Variants in CASP10 observed in about 807,000 individuals in gnomAD.
The protein encoded by CASP10 is caspase-10.
CASP10 carries 41 observed loss-of-function variants against 48.5 expected under a neutral mutation model. That is an observed-to-expected ratio of 0.85 (90% CI 0.66 to 1.10). The LOEUF is 1.10. Ranked by LOEUF, CASP10 falls within the 50% of genes least tolerant of loss-of-function variation. The pLI is 0.00. For missense variants in CASP10, 614 were observed against 614.5 expected (o/e 1.00, Z 0.01); for synonymous variants, 232 against 238.4 (o/e 0.97, Z 0.25).
intron 6 of CASP10, 85 bp from the exon 7 acceptor site, chr2:201,205,797 C>A: frequency 1.2e-6 from 1 of 850,574 alleles, no homozygotes; most frequent in Non-Finnish European, 2.0e-6. Flanking sequence ...AAGCATAATT[C>A]TCCAGAATTA....
At chr2:201,205,633 G>A (rs1315445074) in intron 6 of CASP10, among the ~76,000 whole-genome samples, 1 of 152,152 alleles carries the variant, frequency 6.6e-6, no homozygotes, top group Non-Finnish European at 1.5e-5. Context: ...GAAGCCTTGA[G>A]CTGATCCATG....
At chr2:201,202,185 T>C (rs1175967154) in intron 5 of CASP10, among the ~76,000 whole-genome samples, 1 of 152,190 alleles carries the variant, frequency 6.6e-6, no homozygotes, top group Non-Finnish European at 1.5e-5. Flanking sequence ...TAAGGTTTTC[T>C]TAAGGAGAGG....
In CASP10 at chr2:201,186,081, G is replaced by A. The variant is rs1190547485; in HGVS notation, c.304G>A (p.Val102Met). 1.9e-6 allele frequency: 3 copies of A among 1,612,460 alleles called. No homozygotes were observed. The highest frequency in any genetic ancestry group is 1.3e-5 in the African/African-American group (1 of 75,012). The change falls in exon 2 of 10, where the codon GTG becomes ATG. Residue 102 changes from valine to methionine, a missense_variant. Val to Met is a conservative substitution (Grantham distance 21, BLOSUM62 1). Coordinates refer to ENST00000286186, the MANE Select transcript of CASP10 (RefSeq NM_032977.4). ...GCACCTCAACTGTACCAAAGAGGAA[G>A]TGGAGCGACTGCTGCCCACCCGACA... is the stretch of plus-strand genomic sequence containing the variant. ...LQHLNCTKEEVERLLPTRQRV... is the reference protein window; with the variant it reads ...LQHLNCTKEEMERLLPTRQRV...
intron 5 of CASP10, among the ~76,000 whole-genome samples, chr2:201,202,669 A>T (rs1945060367): frequency 6.6e-6 from 1 of 152,182 alleles, no homozygotes; most frequent in African/African-American, 2.4e-5. Context: ...AGCCTTTTGG[A>T]AAGTGAAGCT....
intron 9 of CASP10, chr2:201,228,929 G>A (rs1292337653): frequency 6.2e-7 from 1 of 1,614,052 alleles, no homozygotes. Context: ...TTTGTGCTCA[G>A]TAGGATGCTG....
In CASP10 at chr2:201,209,446, G is replaced by A. The variant is rs1345791256; in HGVS notation, c.1299G>A (p.Glu433=). The A allele has an allele frequency of 6.2e-7, 1 of 1,614,058 alleles. No individual in the cohort carries two copies. The highest frequency in any genetic ancestry group is 8.5e-7 in the Non-Finnish European group (1 of 1,179,934). ...CCCTGCAGGACAGTATTCCTGCCGAGGCTGACTTCCTACTTGGTCTGGCCA... is the reference window on the plus strand; with the variant it reads ...CCCTGCAGGACAGTATTCCTGCCGAAGCTGACTTCCTACTTGGTCTGGCCA... ...PTSLQDSIPA[E]ADFLLGLATV... The change falls in exon 9 of 10, where the codon GAG becomes GAA. Residue 433 remains glutamate, a synonymous_variant. Coordinates refer to ENST00000286186, the MANE Select transcript of CASP10 (RefSeq NM_032977.4).
rs189262612 is a variant in CASP10, at chr2:201,204,574, C to T, written c.721+808C>T. 2.0e-5 allele frequency among the ~76,000 whole-genome samples: 3 copies of T among 152,246 alleles called. No individual in the cohort carries two copies. In the East Asian group the frequency reaches 5.8e-4, roughly 29 times the overall value. On this transcript the variant is annotated intron_variant, in intron 6 of 9. Coordinates refer to ENST00000286186, the MANE Select transcript of CASP10 (RefSeq NM_032977.4). ...GAGGTAGGTAATACTGTTATTCTCACTAATGATGAGGAAACTGAGACCCAT... is the reference window on the plus strand; with the variant it reads ...GAGGTAGGTAATACTGTTATTCTCATTAATGATGAGGAAACTGAGACCCAT...
chr2:201,200,566 T>G (rs1944980842), intron 5 of CASP10: 2 of 1,591,464 alleles, frequency 1.3e-6, no homozygotes, highest in African/African-American at 2.7e-5. Flanking sequence ...AATCAGGACA[T>G]GACACAGAGC....
Position 201,220,029 on chromosome 2 carries a change from T to C in CASP10, c.*2288T>C. The C allele has an allele frequency of 1.3e-5, 13 of 985,468 alleles. No individual in the cohort carries two copies. The highest frequency in any genetic ancestry group is 1.6e-5 in the Non-Finnish European group (13 of 829,918). The allele number at this position is 985,468 out of a possible 1,614,324, so 61.0% of individuals were successfully genotyped here. A position where few individuals can be genotyped will look rare whatever the true frequency, so the allele number is the denominator to read the frequency against. ...CAACTCTCAGTGGTGCCTGCATTTA[T>C]AATTATTTATGTGAAAGTCAAATTC... On this transcript the variant is annotated 3_prime_UTR_variant, in exon 10 of 10. Transcript: ENST00000286186.
chr2:201,216,712 G>A (rs938716888), intron 9 of CASP10, among the ~76,000 whole-genome samples: 1 of 152,100 alleles, frequency 6.6e-6, no homozygotes, highest in Non-Finnish European at 1.5e-5. Flanking sequence ...CCCCTAAGAT[G>A]GGGACTGTTA....
At position 201,218,004 on chromosome 2, in the gene CASP10, C is replaced by G; in HGVS notation, c.*263C>G. ...TCACGGCTCACTGTAGTCTCGACCT[C>G]CCAGGCTCAAGCTGTCCTCCCGCCT... is the stretch of plus-strand genomic sequence containing the variant. On this transcript the variant is annotated 3_prime_UTR_variant, in exon 10 of 10. Coordinates refer to ENST00000286186, the MANE Select transcript of CASP10 (RefSeq NM_032977.4). The G allele has an allele frequency of 1.0e-6, 1 of 957,378 alleles. No individual in the cohort carries two copies. Among genetic ancestry groups the G allele is most frequent in the Non-Finnish European group, 1.4e-6 (1 of 715,886 alleles). The allele number at this position is 957,378 out of a possible 1,614,324, so 59.3% of individuals were successfully genotyped here. A position where few individuals can be genotyped will look rare whatever the true frequency, so the allele number is the denominator to read the frequency against.
chr2:201,200,661 G>C (rs1944986558), intron 5 of CASP10: 1 of 1,412,130 alleles, frequency 7.1e-7, no homozygotes, highest in African/African-American at 1.4e-5. Context: ...CTCAGCTTTG[G>C]GAGGCCACTT....
intron 9 of CASP10, among the ~76,000 whole-genome samples, chr2:201,227,619 C>T (rs372097239): frequency 3.3e-5 from 5 of 152,164 alleles, no homozygotes; most frequent in Admixed American, 6.5e-5. Context: ...TGCAGTGGCA[C>T]GATCTCGGCT....
downstream of CASP10, among the ~76,000 whole-genome samples, chr2:201,224,743 G>T (rs543482167): frequency 6.6e-6 from 1 of 152,160 alleles, no homozygotes; most frequent in African/African-American, 2.4e-5. Context: ...AACTTTGTGA[G>T]ATTTTGAGCT....
downstream of CASP10, among the ~76,000 whole-genome samples, chr2:201,225,716 A>C (rs1236984945): frequency 6.6e-6 from 1 of 152,252 alleles, no homozygotes; most frequent in Non-Finnish European, 1.5e-5. Flanking sequence ...TCGCGCCTGT[A>C]ATCCCAGAAC....
intron 4 of CASP10, among the ~76,000 whole-genome samples, chr2:201,194,693 G>C (rs1223425294): frequency 6.6e-6 from 1 of 152,150 alleles, no homozygotes; most frequent in Non-Finnish European, 1.5e-5. Context: ...TATTATTCTG[G>C]ATATTTAAAT....
chr2:201,198,040 A>T (rs2126027020), intron 5 of CASP10, among the ~76,000 whole-genome samples: 1 of 152,248 alleles, frequency 6.6e-6, no homozygotes, highest in East Asian at 1.9e-4. Flanking sequence ...TTTTGATAGT[A>T]GGCATCCTAA....
In CASP10 at chr2:201,209,121, A is replaced by G. The variant is rs764487945; in HGVS notation, c.974A>G (p.Asn325Ser). The G allele has an allele frequency of 6.2e-6, 10 of 1,612,330 alleles. No homozygotes were observed. In the South Asian group the frequency reaches 9.9e-5, roughly 16 times the overall value. ...QWLGFTVHIH[N>S]NVTKVEMEMV... ...CTTGGGTTCACAGTGCATATACACA[A>G]TAATGTGACGAAAGTGGAAATGGAG... The change falls in exon 9 of 10, where the codon AAT becomes AGT. Residue 325 changes from asparagine to serine, a missense_variant. Coordinates refer to ENST00000286186, the MANE Select transcript of CASP10 (RefSeq NM_032977.4).
exon 10 of CASP10, chr2:201,229,002 G>A: frequency 1.9e-6 from 3 of 1,614,156 alleles, no homozygotes; most frequent in Non-Finnish European, 2.5e-6. Flanking sequence ...GTGCTAAACA[G>A]ATCTCAGCAA....
Sources: allele counts gnomAD v4.1 joint callset (sites outside exome capture counted in the v4.1 genomes callset), GRCh38; gene constraint gnomAD v4.1.1; transcripts MANE v1.5; gene names NCBI Gene and HGNC (gene_info 2026-07-23, HGNC 2026-07-21).